Variants in BNC2 observed in about 807,000 individuals in gnomAD.
BNC2 encodes basonuclin zinc finger protein 2, also known as zinc finger protein basonuclin-2.
Under a neutral mutation model 76.3 loss-of-function variants are expected in BNC2, and 20 were observed. That is an observed-to-expected ratio of 0.26 (90% CI 0.18 to 0.38). The LOEUF (loss-of-function observed/expected upper bound fraction) is 0.38, where lower values mean the gene tolerates loss of function less well. Ranked by LOEUF, BNC2 falls within the 10% of genes least tolerant of loss-of-function variation. BNC2 has a pLI of 1.00. For synonymous variants in BNC2, 582 were observed against 514.8 expected (o/e 1.13, Z -1.77); for missense variants, 1,382 against 1,399.8 (o/e 0.99, Z 0.20).
intron 1 of BNC2, among the ~76,000 whole-genome samples, chr9:16,826,655 C>A (rs1223678746): frequency 6.6e-6 from 1 of 152,048 alleles, no homozygotes; most frequent in Non-Finnish European, 1.5e-5. Context: ...AACAAGTAGC[C>A]CTTTATGGAA....
intron 1 of BNC2, among the ~76,000 whole-genome samples, chr9:16,835,458 G>C (rs183937954): frequency 2.2e-4 from 33 of 152,252 alleles, no homozygotes; most frequent in African/African-American, 6.5e-4. Flanking sequence ...CAGCACTTTG[G>C]GAGGCCGAGG....
intron 3 of BNC2, among the ~76,000 whole-genome samples, chr9:16,659,692 T>G (rs1755008799): frequency 6.6e-6 from 1 of 152,110 alleles, no homozygotes; most frequent in African/African-American, 2.4e-5. Context: ...TATTCTTCCC[T>G]TGATCTGTGC....
intron 1 of BNC2, among the ~76,000 whole-genome samples, chr9:16,805,464 T>C (rs903986082): frequency 3.9e-5 from 6 of 151,998 alleles, no homozygotes; most frequent in Non-Finnish European, 8.8e-5. Context: ...GTAGCTGGGA[T>C]TACAGGCGCG....
intron 3 of BNC2, among the ~76,000 whole-genome samples, chr9:16,648,044 TAC>T (rs745439013): frequency 3.3e-5 from 5 of 152,120 alleles, no homozygotes; most frequent in Admixed American, 6.6e-5. Flanking sequence ...AAGACAAAAT[TAC>T]AGAGAGTCAC....
At chr9:16,449,323 G>A (rs1374975765) in intron 5 of BNC2, among the ~76,000 whole-genome samples, 3 of 152,046 alleles carry the variant, frequency 2.0e-5, no homozygotes, top group Admixed American at 6.6e-5. Context: ...TAATGTGGCC[G>A]CTTTCTGCAT....
intron 3 of BNC2, among the ~76,000 whole-genome samples, chr9:16,658,070 C>A (rs528847408): frequency 6.6e-6 from 1 of 152,124 alleles, no homozygotes; most frequent in South Asian, 2.1e-4. Context: ...CCATAGCACT[C>A]AGAGGTAGAA....
At chr9:16,664,426 T>C (rs1306719784) in intron 3 of BNC2, among the ~76,000 whole-genome samples, 7 of 152,178 alleles carry the variant, frequency 4.6e-5, no homozygotes, top group African/African-American at 1.7e-4. Context: ...TCCACTACAA[T>C]TGCATCCAAC....
At chr9:16,442,508 T>C (rs930499034) in intron 5 of BNC2, among the ~76,000 whole-genome samples, 19 of 152,196 alleles carry the variant, frequency 1.2e-4, no homozygotes, top group Admixed American at 1.0e-3. Flanking sequence ...CAATGATTTA[T>C]AGTTTTAAAA....
chr9:16,691,986 CT>C (rs1431385583), intron 3 of BNC2, among the ~76,000 whole-genome samples: 2 of 150,606 alleles, frequency 1.3e-5, no homozygotes, highest in Non-Finnish European at 3.0e-5. Flanking sequence ...AATTTTTGTA[CT>C]TTTAGTAGAG....
At chr9:16,669,190 G>A (rs547962549) in intron 3 of BNC2, among the ~76,000 whole-genome samples, 2 of 152,286 alleles carry the variant, frequency 1.3e-5, no homozygotes, top group East Asian at 3.9e-4. Context: ...ATTGGAGCCT[G>A]AGAATATAAT....
At chr9:16,585,192 C>T (rs1367844590) in intron 3 of BNC2, among the ~76,000 whole-genome samples, 1 of 152,116 alleles carries the variant, frequency 6.6e-6, no homozygotes, top group Non-Finnish European at 1.5e-5. Context: ...AACAAATTAA[C>T]AGACTGTGGA....
intron 1 of BNC2, among the ~76,000 whole-genome samples, chr9:16,789,305 T>A (rs1396636430): frequency 6.6e-6 from 1 of 152,042 alleles, no homozygotes. Flanking sequence ...ACGGTGGCCA[T>A]GGCACTTATA....
intron 1 of BNC2, among the ~76,000 whole-genome samples, chr9:16,857,413 G>A (rs898561089): frequency 2.0e-5 from 3 of 150,136 alleles, no homozygotes; most frequent in Non-Finnish European, 3.0e-5. Flanking sequence ...GCCGGCGGAG[G>A]TTGCAGTGAG....
intron 1 of BNC2, among the ~76,000 whole-genome samples, chr9:16,776,601 T>C (rs1469108928): frequency 6.6e-6 from 1 of 152,204 alleles, no homozygotes; most frequent in Non-Finnish European, 1.5e-5. Context: ...CAACAGCCAA[T>C]TAATTGTAAA....
intron 5 of BNC2, among the ~76,000 whole-genome samples, chr9:16,515,758 A>T (rs551394736): frequency 6.6e-6 from 1 of 151,218 alleles, no homozygotes; most frequent in Non-Finnish European, 1.5e-5. Context: ...GAAAAAAAAA[A>T]TCAAGCTTGA....
intron 3 of BNC2, among the ~76,000 whole-genome samples, chr9:16,665,437 AG>A (rs1822252547): frequency 1.5e-5 from 1 of 68,874 alleles, no homozygotes; most frequent in African/African-American, 6.2e-5. Flanking sequence ...AGGAAAGAAA[AG>A]AAAGAAAGAA....
At chr9:16,562,345 G>A (rs1305110775) in intron 4 of BNC2, among the ~76,000 whole-genome samples, 1 of 152,034 alleles carries the variant, frequency 6.6e-6, no homozygotes, top group Non-Finnish European at 1.5e-5. Flanking sequence ...TCTTCACCTG[G>A]GAAGAAAAGC....
chr9:16,582,750 C>T (rs1819660088), intron 4 of BNC2, among the ~76,000 whole-genome samples: 1 of 152,198 alleles, frequency 6.6e-6, no homozygotes, highest in Non-Finnish European at 1.5e-5. Context: ...GTCCTATAAA[C>T]ATCTTGGCCT....
chr9:16,458,464 C>T (rs1821502406), intron 5 of BNC2, among the ~76,000 whole-genome samples: 1 of 152,150 alleles, frequency 6.6e-6, no homozygotes. Flanking sequence ...GGTAGAAAAT[C>T]TTCATTGTTG....
Sources: gnomAD v4.1 joint callset for allele counts (sites outside exome capture counted in the v4.1 genomes callset) on GRCh38, gnomAD v4.1.1 for gene constraint, MANE v1.5 for transcripts, NCBI Gene and HGNC (gene_info 2026-07-23, HGNC 2026-07-21) for gene names.